Variants in ZNF280C observed in about 807,000 individuals in gnomAD.
ZNF280C encodes zinc finger protein 280C, also known as suppressor of hairy wing homolog 3.
Under a neutral mutation model 53.6 loss-of-function variants are expected in ZNF280C, and 14 were observed. That is an observed-to-expected ratio of 0.26 (90% CI 0.17 to 0.41). The LOEUF (loss-of-function observed/expected upper bound fraction) is 0.41. ZNF280C is among the 10% of genes least tolerant of loss of function. The pLI is 1.00. For missense variants in ZNF280C, 416 were observed against 547.1 expected, an observed-to-expected ratio of 0.76 and a Z score of 2.39; for synonymous variants, 203 against 181.1, an observed-to-expected ratio of 1.12 and a Z score of -0.97.
In ZNF280C at chrX:130,236,575, T is replaced by C; in HGVS notation, c.558A>G (p.Pro186=). Residue 186 remains proline (P), a synonymous_variant, in exon 7 of 19, where the codon CCA becomes CCG. Coordinates refer to ENST00000370978, the MANE Select transcript of ZNF280C (RefSeq NM_017666.5). ...PSTSKVNSVT[P]KKPKTSEDVP... is the part of the protein sequence containing the mutation. Reference sequence around the variant, plus strand: ...CATCTTCACTGGTCTTTGGTTTTTTTGGAGTAACACTGTTTACTTTAGAAG... The same window carrying C: ...CATCTTCACTGGTCTTTGGTTTTTTCGGAGTAACACTGTTTACTTTAGAAG... 1.7e-6 allele frequency: 2 copies of C among 1,204,892 alleles called. No homozygotes were observed. The highest frequency in any genetic ancestry group is 2.2e-6 in the Non-Finnish European group (2 of 890,179).
intron 6 of ZNF280C, among the ~76,000 whole-genome samples, chrX:130,237,634 A>G (rs1274243391): frequency 8.9e-6 from 1 of 111,831 alleles, no homozygotes; most frequent in Non-Finnish European, 1.9e-5. Context: ...GTACATTAAT[A>G]GGAGAAGCAG....
At chrX:130,268,249 C>T (rs773423920) in intron 1 of ZNF280C, among the ~76,000 whole-genome samples, 5 of 111,347 alleles carry the variant, frequency 4.5e-5, no homozygotes, top group Non-Finnish European at 5.7e-5. Context: ...ATGGAATGAC[C>T]GGTCCTGTGT....
At position 130,203,521 on chromosome X, in the gene ZNF280C, G is replaced by A. The variant is rs2031937023; in HGVS notation, c.*1456C>T. The A allele has an allele frequency of 9.1e-6, 1 of 110,113 alleles. No individual in the cohort carries two copies. Among genetic ancestry groups the A allele is most frequent in the African/African-American group, 3.3e-5 (1 of 30,223 alleles). 9.1% of individuals were successfully genotyped at this position (110,113 alleles called of 1,213,427 possible). A position where few individuals can be genotyped will look rare whatever the true frequency, so the allele number is the denominator to read the frequency against. On this transcript the variant is annotated 3_prime_UTR_variant, in exon 19 of 19. Transcript: ENST00000370978. Reference sequence around the variant, plus strand: ...AATACAAAAAATTAAAAATTAGCCGGGCGTGGTGGCAGGCGCCTGTCATCC... The same window carrying A: ...AATACAAAAAATTAAAAATTAGCCGAGCGTGGTGGCAGGCGCCTGTCATCC...
At chrX:130,266,218 A>T (rs2032686388) in intron 1 of ZNF280C, among the ~76,000 whole-genome samples, 1 of 112,340 alleles carries the variant, frequency 8.9e-6, no homozygotes, top group Non-Finnish European at 1.9e-5. Flanking sequence ...TTATCTTAAT[A>T]AAAAGCAGCT....
chrX:130,218,773 G>A (rs1321180165), intron 13 of ZNF280C, among the ~76,000 whole-genome samples: 1 of 111,746 alleles, frequency 8.9e-6, no homozygotes, highest in Non-Finnish European at 1.9e-5. Flanking sequence ...GATAATACTT[G>A]CCTTGTCTAT....
chrX:130,243,994 G>T, intron 3 of ZNF280C, 129 bp from the exon 4 acceptor site: 6 of 379,289 alleles, frequency 1.6e-5, no homozygotes, highest in Non-Finnish European at 2.1e-5. Flanking sequence ...ATGGTGACAG[G>T]GTTGTGTACA....
At chrX:130,207,685 A>G (rs1472184188) in intron 16 of ZNF280C, among the ~76,000 whole-genome samples, 1 of 111,589 alleles carries the variant, frequency 9.0e-6, no homozygotes, top group Admixed American at 9.5e-5. Context: ...ATATAATACT[A>G]TGCTATATGA....
intron 2 of ZNF280C, among the ~76,000 whole-genome samples, chrX:130,252,056 GT>G (rs2032518681): frequency 8.9e-6 from 1 of 112,365 alleles, no homozygotes; most frequent in Non-Finnish European, 1.9e-5. Context: ...GGAGGTTGCA[GT>G]GAGCTGAGAT....
chrX:130,227,124 T>C (rs1279016777), intron 11 of ZNF280C, among the ~76,000 whole-genome samples: 1 of 111,163 alleles, frequency 9.0e-6, no homozygotes, highest in East Asian at 2.8e-4. Flanking sequence ...ACAGTAAGAC[T>C]CTCTTCTTCT....
intron 2 of ZNF280C, among the ~76,000 whole-genome samples, chrX:130,256,307 G>A (rs2032570523): frequency 8.9e-6 from 1 of 111,827 alleles, no homozygotes; most frequent in African/African-American, 3.2e-5. Flanking sequence ...CAGGACAAGA[G>A]CTGTGCAGGA....
intron 1 of ZNF280C, among the ~76,000 whole-genome samples, chrX:130,262,680 G>A: frequency 9.0e-6 from 1 of 111,426 alleles, no homozygotes; most frequent in Non-Finnish European, 1.9e-5. Context: ...ATAGGCACAA[G>A]AGGAAAGAAC....
intron 16 of ZNF280C, among the ~76,000 whole-genome samples, chrX:130,208,190 C>T (rs773201148): frequency 6.3e-5 from 7 of 111,761 alleles, no homozygotes; most frequent in African/African-American, 2.0e-4. Flanking sequence ...GGTATAGTGG[C>T]GCAATCTTGG....
At chrX:130,263,209 GAGAC>G (rs1408803874) in intron 1 of ZNF280C, among the ~76,000 whole-genome samples, 3 of 112,236 alleles carry the variant, frequency 2.7e-5, no homozygotes, top group Non-Finnish European at 5.6e-5. Context: ...TACACTCCTA[GAGAC>G]AGACAATTGA....
At chrX:130,225,448 T>C (rs1373568288) in intron 12 of ZNF280C, among the ~76,000 whole-genome samples, 1 of 111,260 alleles carries the variant, frequency 9.0e-6, no homozygotes, top group African/African-American at 3.3e-5. Context: ...TGCTTAGAGA[T>C]TTACAGTATT....
chrX:130,229,073 T>C lies in ZNF280C; in HGVS notation c.1051A>G (p.Asn351Asp). The change falls in exon 10 of 19, where the codon AAC becomes GAC. Residue 351 changes from asparagine to aspartate, a missense_variant. Around this residue, in one of 3 missense-constraint regions of ZNF280C, gnomAD observed 72 missense variants for 168.8 expected, o/e 0.43. Transcript: ENST00000370978. The stretch of plus-strand genomic sequence containing the variant: ...TAACAGTGCTGGCAGGTGGTGTGGT[T>C]TTCCCAGCTTTCATTGTTCTGCTTC... ...LEKQNNESWE[N>D]HTTCQHCYRQ... 1 of 1,209,143 alleles carries C rather than the reference T, an allele frequency of 8.3e-7. No homozygotes were observed. Among genetic ancestry groups the C allele is most frequent in the South Asian group, 1.8e-5 (1 of 56,567 alleles).
intron 15 of ZNF280C, among the ~76,000 whole-genome samples, chrX:130,213,080 G>A (rs1026030915): frequency 4.5e-5 from 5 of 112,312 alleles, no homozygotes; most frequent in East Asian, 2.8e-4. Flanking sequence ...TTGGCCGGGC[G>A]TGGTGGCTCA....
intron 11 of ZNF280C, 62 bp downstream of exon 11, chrX:130,227,620 A>T: frequency 2.4e-6 from 2 of 824,296 alleles, no homozygotes; most frequent in Non-Finnish European, 3.6e-6. Context: ...AAAGAACAAT[A>T]CTATTTCATG....
intron 1 of ZNF280C, among the ~76,000 whole-genome samples, chrX:130,265,827 C>T (rs1340568303): frequency 8.9e-6 from 1 of 112,497 alleles, no homozygotes; most frequent in African/African-American, 3.2e-5. Context: ...ACTTCTCCTT[C>T]CTTACCTGAA....
At position 130,236,462 on chromosome X, in the gene ZNF280C, T is replaced by C. The variant is rs781042420; in HGVS notation, c.664+7A>G. Reference sequence around the variant, plus strand: ...ATTTTTTTTTACATGTCAGATTTCATGTTTACCTTTTGACAGCATAACTTG... The same window carrying C: ...ATTTTTTTTTACATGTCAGATTTCACGTTTACCTTTTGACAGCATAACTTG... On this transcript the variant is annotated splice_region_variant and intron_variant, in intron 7 of 18. Coordinates refer to ENST00000370978, the MANE Select transcript of ZNF280C (RefSeq NM_017666.5). The C allele has an allele frequency of 1.7e-5, 20 of 1,178,812 alleles. No individual in the cohort carries two copies. In the South Asian group the frequency reaches 2.9e-4, roughly 17 times the overall value.
Sources: allele counts gnomAD v4.1 joint callset (sites outside exome capture counted in the v4.1 genomes callset), GRCh38; gene constraint gnomAD v4.1.1; regional missense constraint gnomAD v4.1.1; transcripts MANE v1.5; gene names NCBI Gene and HGNC (gene_info 2026-07-23, HGNC 2026-07-21).